MACROD2: variants seen among roughly 807,000 people sequenced by gnomAD.
MACROD2 encodes mono-ADP ribosylhydrolase 2.
Under a neutral mutation model 70.4 loss-of-function variants are expected in MACROD2, and 36 were observed. The observed-to-expected ratio is 0.51, with a 90% CI of 0.39 to 0.68. The LOEUF (loss-of-function observed/expected upper bound fraction) is 0.68, where lower values mean the gene tolerates loss of function less well. Among genes scored for constraint, MACROD2 ranks in the 30% least tolerant of loss-of-function variants. The pLI is 0.00. For synonymous variants in MACROD2, 172 were observed against 178.8 expected, an observed-to-expected ratio of 0.96 and a Z score of 0.30; for missense variants, 496 against 538.4, an observed-to-expected ratio of 0.92 and a Z score of 0.78.
chr20:14,301,671 G>A (rs2122489379), intron 3 of MACROD2, among the ~76,000 whole-genome samples: 1 of 152,230 alleles, frequency 6.6e-6, no homozygotes, highest in African/African-American at 2.4e-5. Context: ...TGAAAATAGA[G>A]TGTTTTTATT....
chr20:15,194,783 A>T (rs2076594456), intron 5 of MACROD2, among the ~76,000 whole-genome samples: 1 of 152,176 alleles, frequency 6.6e-6, no homozygotes, highest in Non-Finnish European at 1.5e-5. Flanking sequence ...AGTGGAAGGA[A>T]GAAAAACACT....
intron 8 of MACROD2, among the ~76,000 whole-genome samples, chr20:15,586,456 T>A (rs185216247): frequency 6.6e-6 from 1 of 152,336 alleles, no homozygotes; most frequent in East Asian, 1.9e-4. Flanking sequence ...ATCTATTGGT[T>A]TTGATTAGGT....
chr20:14,855,597 G>GTTTTTTT (rs71190156), intron 5 of MACROD2, among the ~76,000 whole-genome samples: 17 of 77,236 alleles, frequency 2.2e-4, no homozygotes, highest in African/African-American at 4.8e-4. Flanking sequence ...ATCCTACCAA[G>GTTTTTTT]TTTTTTTTTT....
intron 5 of MACROD2, among the ~76,000 whole-genome samples, chr20:15,110,321 G>A (rs1428790520): frequency 3.3e-5 from 5 of 152,100 alleles, no homozygotes; most frequent in Non-Finnish European, 7.4e-5. Flanking sequence ...AGGGCCTGCC[G>A]GGTGCCCTGC....
chr20:14,632,700 G>A (rs1236708664), intron 4 of MACROD2, among the ~76,000 whole-genome samples: 2 of 152,152 alleles, frequency 1.3e-5, no homozygotes, highest in Non-Finnish European at 2.9e-5. Context: ...TTATTTAAAA[G>A]TATAGTAAAC....
At chr20:15,304,490 A>G in intron 6 of MACROD2, among the ~76,000 whole-genome samples, 1 of 152,196 alleles carries the variant, frequency 6.6e-6, no homozygotes, top group East Asian at 1.9e-4. Flanking sequence ...GAGGTATGAC[A>G]AGGTTTCTCT....
intron 2 of MACROD2, among the ~76,000 whole-genome samples, chr20:14,033,085 C>CTT (rs11480685): frequency 4.7e-4 from 62 of 132,634 alleles, no homozygotes; most frequent in South Asian, 1.5e-3. Flanking sequence ...CTTGGTTTTT[C>CTT]TTTTTTTTTT....
chr20:14,691,507 G>A lies in MACROD2; in HGVS notation c.418+6548G>A, dbSNP rs533232111. Among the ~76,000 whole-genome samples the A allele has an allele frequency of 4.0e-4, 61 of 152,282 alleles. No homozygotes were observed. The Middle Eastern group carries it at 0.01, about 25-fold the overall frequency. ...GCCAGATCTGGGAAGTGAGTAAGTC[G>A]AGTCTCTCAAGGGAGAGTCAGTTTA... On this transcript the variant is annotated intron_variant, in intron 5 of 17. Transcript: ENST00000684519.
intron 7 of MACROD2, among the ~76,000 whole-genome samples, chr20:15,497,086 G>A (rs1021677981): frequency 1.2e-4 from 18 of 152,206 alleles, no homozygotes; most frequent in African/African-American, 4.3e-4. Flanking sequence ...CGGTAACTAG[G>A]AGAGAGGTAA....
intron 4 of MACROD2, among the ~76,000 whole-genome samples, chr20:14,635,333 C>T (rs1439138384): frequency 6.6e-6 from 1 of 152,150 alleles, no homozygotes. Context: ...TCCTTCACTA[C>T]ACCCACTAGC....
intron 3 of MACROD2, among the ~76,000 whole-genome samples, chr20:14,445,741 C>T (rs1212513058): frequency 6.6e-6 from 1 of 152,080 alleles, no homozygotes; most frequent in Non-Finnish European, 1.5e-5. Context: ...AAGGATAGTT[C>T]TAGGGGCAAA....
At chr20:14,102,692 T>A (rs915729998) in intron 3 of MACROD2, among the ~76,000 whole-genome samples, 4 of 152,150 alleles carry the variant, frequency 2.6e-5, no homozygotes, top group African/African-American at 9.7e-5. Context: ...ATAGCTGTCA[T>A]TTAGTCAATC....
chr20:15,344,134 A>T (rs114718588), intron 6 of MACROD2, among the ~76,000 whole-genome samples: 130 of 152,326 alleles, frequency 8.5e-4, no homozygotes, highest in Middle Eastern at 3.4e-3. Context: ...TACATTCCAG[A>T]TGCAGATCCA....
intron 3 of MACROD2, among the ~76,000 whole-genome samples, chr20:14,096,748 C>T (rs1319766542): frequency 6.6e-6 from 1 of 152,140 alleles, no homozygotes; most frequent in African/African-American, 2.4e-5. Flanking sequence ...GAGCTAAGAA[C>T]ATACTTGGTC....
intron 4 of MACROD2, among the ~76,000 whole-genome samples, chr20:14,582,696 C>G (rs1981116135): frequency 6.6e-6 from 1 of 152,028 alleles, no homozygotes; most frequent in African/African-American, 2.4e-5. Context: ...TTCTGTTGCC[C>G]AGAAAATAAA....
rs556274245 is a variant in MACROD2, at chr20:14,753,248, G to A, written c.418+68289G>A. Among the ~76,000 whole-genome samples the A allele has an allele frequency of 6.4e-4, 97 of 152,162 alleles. 2 individuals are homozygous for A. Among genetic ancestry groups the A allele is most frequent in the Admixed American group, 2.4e-3 (36 of 15,292 alleles). On this transcript the variant is annotated intron_variant, in intron 5 of 17. Coordinates refer to ENST00000684519, the MANE Select transcript of MACROD2 (RefSeq NM_001351661.2). Reference sequence around the variant, plus strand: ...TCTTTGCAGTGCTGATTGCTGTGATGAGTTTGCATTTTTTAATGATTATTT... The same window carrying A: ...TCTTTGCAGTGCTGATTGCTGTGATAAGTTTGCATTTTTTAATGATTATTT...
intron 8 of MACROD2, among the ~76,000 whole-genome samples, chr20:15,726,943 A>G (rs1046639890): frequency 6.6e-6 from 1 of 151,958 alleles, no homozygotes; most frequent in Non-Finnish European, 1.5e-5. Flanking sequence ...ATTAGGTCCC[A>G]TTTGTCAACT....
intron 3 of MACROD2, among the ~76,000 whole-genome samples, chr20:14,159,536 T>C (rs1200635066): frequency 6.6e-6 from 1 of 152,240 alleles, no homozygotes; most frequent in Non-Finnish European, 1.5e-5. Flanking sequence ...TTGATATTTA[T>C]GTATAAAAAT....
intron 8 of MACROD2, among the ~76,000 whole-genome samples, chr20:15,582,811 A>G (rs1377922670): frequency 6.6e-6 from 1 of 152,188 alleles, no homozygotes; most frequent in Non-Finnish European, 1.5e-5. Context: ...TCACCTCTTC[A>G]CATCCACAGG....
Sources: allele counts gnomAD v4.1 joint callset (sites outside exome capture counted in the v4.1 genomes callset), GRCh38; gene constraint gnomAD v4.1.1; transcripts MANE v1.5; gene names NCBI Gene and HGNC (gene_info 2026-07-23, HGNC 2026-07-21).